TRAIP: variants seen among roughly 807,000 people sequenced by gnomAD.
TRAIP encodes E3 ubiquitin-protein ligase TRAIP.
Under a neutral mutation model 65.0 loss-of-function variants are expected in TRAIP, and 37 were observed. That is an observed-to-expected ratio of 0.57 (90% CI 0.44 to 0.75). The LOEUF is 0.75. TRAIP is among the 30% of genes least tolerant of loss of function. The probability of loss-of-function intolerance (pLI) is 0.00; values close to 1 mark genes in which losing one functional copy is unlikely to be tolerated. For synonymous variants in TRAIP, 187 were observed against 219.1 expected, an observed-to-expected ratio of 0.85 and a Z score of 1.29; for missense variants, 481 against 579.4, an observed-to-expected ratio of 0.83 and a Z score of 1.74.
intron 1 of TRAIP, among the ~76,000 whole-genome samples, chr3:49,850,328 G>A (rs550962648): frequency 2.6e-5 from 4 of 151,972 alleles, no homozygotes; most frequent in Admixed American, 1.3e-4. Flanking sequence ...GTGAAACCCC[G>A]TCTCTACTAA....
chr3:49,829,309 T>C, intron 14 of TRAIP, 84 bp from the exon 15 acceptor site: 1 of 1,612,698 alleles, frequency 6.2e-7, no homozygotes, highest in South Asian at 1.1e-5. Flanking sequence ...CAAGAAAGGC[T>C]CAGAGCCGGG....
intron 5 of TRAIP, chr3:49,843,410 C>T (rs1225256292): frequency 5.9e-6 from 1 of 169,206 alleles, no homozygotes; most frequent in Non-Finnish European, 1.3e-5. Flanking sequence ...TTTGATCTGG[C>T]TCAGGAGAGC....
At chr3:49,830,193 G>T in intron 11 of TRAIP, 125 bp from the exon 12 acceptor site, 1 of 1,082,510 alleles carries the variant, frequency 9.2e-7, no homozygotes, top group Non-Finnish European at 1.4e-6. Flanking sequence ...TGCATTCTGG[G>T]CAAGGCACCT....
At chr3:49,850,385 G>A (rs1265936467) in intron 1 of TRAIP, among the ~76,000 whole-genome samples, 2 of 151,842 alleles carry the variant, frequency 1.3e-5, no homozygotes, top group Non-Finnish European at 2.9e-5. Context: ...TGTAATCCCA[G>A]CTACTTGGGA....
At position 49,856,462 on chromosome 3, in the gene TRAIP, G is replaced by T. The variant is rs1286925118; in HGVS notation, c.-9C>A. 6.2e-7 allele frequency: 1 copy of T among 1,612,266 alleles called. No homozygotes were observed. Among genetic ancestry groups the T allele is most frequent in the Admixed American group, 1.7e-5 (1 of 59,824 alleles). ...AGAGCACGGATAGGCATGATGGCTG[G>T]ACTCAAGGGGCCCAGGCAGCCAAAG... On this transcript the variant is annotated 5_prime_UTR_variant, in exon 1 of 15. Coordinates refer to ENST00000331456, the MANE Select transcript of TRAIP (RefSeq NM_005879.3).
intron 10 of TRAIP, 85 bp from the exon 11 acceptor site, chr3:49,832,153 C>T: frequency 7.1e-7 from 1 of 1,417,562 alleles, no homozygotes; most frequent in Non-Finnish European, 9.3e-7. Context: ...TAACTCAGCT[C>T]CAGGGACCTG....
At chr3:49,829,321 G>A (rs958450768) in intron 14 of TRAIP, 96 bp from the exon 15 acceptor site, 35 of 1,611,236 alleles carry the variant, frequency 2.2e-5, no homozygotes, top group Non-Finnish European at 2.8e-5. Context: ...AGAGCCGGGG[G>A]TGGGCGGCGC....
Position 49,832,057 on chromosome 3 carries a change from A to C in TRAIP, c.896T>G (p.Val299Gly), listed in dbSNP as rs151088026. 78 of 1,593,994 alleles carry C rather than the reference A, an allele frequency of 4.9e-5. No homozygotes were observed. The African/African-American group carries it at 9.4e-4, about 19-fold the overall frequency. The change falls in exon 11 of 15, where the codon GTG becomes GGG. Residue 299 changes from valine (V) to glycine (G), a missense_variant. Physicochemically the swap from Val to Gly is moderately radical, Grantham distance 109. Coordinates refer to ENST00000331456, the MANE Select transcript of TRAIP (RefSeq NM_005879.3). ...DRLVLESPAP[V>G]EVNLKLRRPS... is the part of the protein sequence containing the mutation. Reference sequence around the variant, plus strand: ...CCGGCGGAGCTTCAGATTCACCTCCACAGGGGCTGGGCTGAAGGCAGAGAT... The same window carrying C: ...CCGGCGGAGCTTCAGATTCACCTCCCCAGGGGCTGGGCTGAAGGCAGAGAT...
In TRAIP at chr3:49,842,483, C is replaced by T. The variant is rs959180233; in HGVS notation, c.473G>A (p.Arg158Gln). The change falls in exon 6 of 15, where the codon CGG (arginine) becomes CAG (glutamine). Residue 158 changes from arginine to glutamine, a missense_variant. Transcript: ENST00000331456. ...ETKQAQEEAR[R>Q]LRSKMKTMEQ... ...CATGGTCTTCATCTTGCTCCTGAGCCGGCGGGCCTCCTCTTGTGCTTGTTT... is the reference window on the plus strand; with the variant it reads ...CATGGTCTTCATCTTGCTCCTGAGCTGGCGGGCCTCCTCTTGTGCTTGTTT... 21 of 1,613,864 alleles carry T rather than the reference C, an allele frequency of 1.3e-5. No homozygotes were observed. Among genetic ancestry groups the T allele is most frequent in the Middle Eastern group, 1.6e-4 (1 of 6,080 alleles).
At chr3:49,846,323 C>CA (rs2081881618) in intron 3 of TRAIP, among the ~76,000 whole-genome samples, 1 of 152,118 alleles carries the variant, frequency 6.6e-6, no homozygotes, top group Non-Finnish European at 1.5e-5. Flanking sequence ...CTTGGTCACC[C>CA]AAAGTGCTGG....
At chr3:49,850,474 G>C (rs2081920998) in intron 1 of TRAIP, among the ~76,000 whole-genome samples, 1 of 148,752 alleles carries the variant, frequency 6.7e-6, no homozygotes, top group Non-Finnish European at 1.5e-5. Flanking sequence ...ACTCCAGCGT[G>C]AGGGACATAG....
At chr3:49,847,270 T>C (rs1488218618) in intron 3 of TRAIP, among the ~76,000 whole-genome samples, 1 of 151,656 alleles carries the variant, frequency 6.6e-6, no homozygotes, top group Non-Finnish European at 1.5e-5. Context: ...CAGTCCTAGC[T>C]ACTAGGTAGG....
In TRAIP at chr3:49,836,422, C is replaced by T. The variant is rs141052636; in HGVS notation, c.884+3350G>A. Reference sequence around the variant, plus strand: ...CAGGAGAATCTCTTCAACCGGGAAGCGGAGGTTGCAGCGAGCCAAGATTGC... The same window carrying T: ...CAGGAGAATCTCTTCAACCGGGAAGTGGAGGTTGCAGCGAGCCAAGATTGC... On this transcript the variant is annotated intron_variant, in intron 10 of 14. Transcript: ENST00000331456. Among the ~76,000 whole-genome samples, 1,376 of 151,814 alleles carry T rather than the reference C, an allele frequency of 9.1e-3. 20 individuals are homozygous for T. Among genetic ancestry groups the T allele is most frequent in the African/African-American group, 0.032 (1,320 of 41,378 alleles).
At chr3:49,843,528 T>C (rs2081856083) in intron 5 of TRAIP, 2 of 351,098 alleles carry the variant, frequency 5.7e-6, no homozygotes, top group African/African-American at 4.0e-5. Context: ...AGGTCTTAGT[T>C]GAGCATCCCC....
Position 49,848,142 on chromosome 3 carries a change from C to G in TRAIP, c.156+1G>C. 1 of 1,614,212 alleles carries G rather than the reference C, an allele frequency of 6.2e-7. No individual in the cohort carries two copies. The highest frequency in any genetic ancestry group is 8.5e-7 in the Non-Finnish European group (1 of 1,180,022). On this transcript the variant is annotated splice_donor_variant, in intron 2 of 14. Coordinates refer to ENST00000331456, the MANE Select transcript of TRAIP (RefSeq NM_005879.3). LOFTEE classifies it high-confidence loss of function. ...AGGTGGTCCCACCCCAATACTCTCA[C>G]CTGGATTCGGCACTGTGGGCAGGTC...
chr3:49,849,500 C>A (rs1489325346), intron 1 of TRAIP, among the ~76,000 whole-genome samples: 1 of 152,036 alleles, frequency 6.6e-6, no homozygotes, highest in African/African-American at 2.4e-5. Flanking sequence ...TGGCAGGCAC[C>A]TGTAGTCCCA....
At chr3:49,842,409 C>T (rs1385734761) in intron 6 of TRAIP, 44 bp downstream of exon 6, 1 of 1,586,496 alleles carries the variant, frequency 6.3e-7, no homozygotes, top group East Asian at 2.2e-5. Flanking sequence ...CACTTGCAGG[C>T]CCTGGGGGCA....
intron 5 of TRAIP, chr3:49,843,491 T>C (rs1179295476): frequency 1.1e-5 from 3 of 265,506 alleles, no homozygotes; most frequent in African/African-American, 6.4e-5. Flanking sequence ...TATGAACCAC[T>C]TTCGGAAATA....
chr3:49,829,218 G>T lies in TRAIP; in HGVS notation c.1295C>A (p.Thr432Lys), dbSNP rs368872905. 2 of 1,614,238 alleles carry T rather than the reference G, an allele frequency of 1.2e-6. No individual in the cohort carries two copies. Among genetic ancestry groups the T allele is most frequent in the Middle Eastern group, 3.3e-4 (2 of 6,062 alleles). The change falls in exon 15 of 15, where the codon ACA (threonine) becomes AAA (lysine). Residue 432 changes from threonine (T) to lysine (K), a missense_variant. Coordinates refer to ENST00000331456, the MANE Select transcript of TRAIP (RefSeq NM_005879.3). ...AACAGGCAATGGGCGGATCATGACT[G>T]TGTCAGTCTGGAGGAGCTGTCAAGG... Reference protein sequence around the residue: ...GRTKFIQPTDTVMIRPLPVKP... With the variant: ...GRTKFIQPTDKVMIRPLPVKP...
Sources: allele counts gnomAD v4.1 joint callset (sites outside exome capture counted in the v4.1 genomes callset), GRCh38; gene constraint gnomAD v4.1.1; transcripts MANE v1.5; gene names NCBI Gene and HGNC (gene_info 2026-07-23, HGNC 2026-07-21).